Variants in MCEE observed in about 807,000 individuals in gnomAD.
MCEE encodes methylmalonyl-CoA epimerase, mitochondrial.
Under a neutral mutation model 12.9 loss-of-function variants are expected in MCEE, and 6 were observed. The observed-to-expected ratio is 0.47, with a 90% CI of 0.26 to 0.92. MCEE has a LOEUF of 0.92. Among genes scored for constraint, MCEE ranks in the 40% least tolerant of loss-of-function variants. MCEE has a pLI of 0.16. For missense variants in MCEE, 214 were observed against 212.1 expected, an observed-to-expected ratio of 1.01 and a Z score of -0.05; for synonymous variants, 78 against 77.9, an observed-to-expected ratio of 1.00 and a Z score of -0.01.
At position 71,117,309 on chromosome 2, in the gene MCEE, A is replaced by G. The variant is rs564312122; in HGVS notation, c.378+6897T>C. Among the ~76,000 whole-genome samples, 39 of 150,748 alleles carry G rather than the reference A, an allele frequency of 2.6e-4. 1 individual carries two copies. The South Asian group carries it at 8.1e-3, about 31-fold the overall frequency. On this transcript the variant is annotated intron_variant, in intron 2 of 2. Coordinates refer to ENST00000244217, the MANE Select transcript of MCEE (RefSeq NM_032601.4). Reference sequence around the variant, plus strand: ...AAGAGCACATGTTACCTAAGCTTCCACAATGACTATATAGTCTAGTGGGGG... The same window carrying G: ...AAGAGCACATGTTACCTAAGCTTCCGCAATGACTATATAGTCTAGTGGGGG...
intron 2 of MCEE, chr2:71,110,668 T>C (rs1672868746): frequency 1.3e-5 from 2 of 153,510 alleles, no homozygotes; most frequent in African/African-American, 4.8e-5. Flanking sequence ...AAAATCACTA[T>C]TAAATTGCCA....
At chr2:71,125,211 A>ATTTTTTTTTTTTT (rs1243506608) in intron 1 of MCEE, among the ~76,000 whole-genome samples, 11 of 48,600 alleles carry the variant, frequency 2.3e-4, no homozygotes, top group Non-Finnish European at 4.0e-4. Flanking sequence ...ATATATATAT[A>ATTTTTTTTTTTTT]TTTTTTTTTT....
At chr2:71,130,099 A>T in intron 1 of MCEE, 81 bp downstream of exon 1, 1 of 1,421,072 alleles carries the variant, frequency 7.0e-7, no homozygotes, top group Admixed American at 1.9e-5. Flanking sequence ...TGCTTTGGCC[A>T]CGCCGAGGCC....
chr2:71,124,800 T>A (rs1008825561), intron 1 of MCEE, among the ~76,000 whole-genome samples: 1 of 152,140 alleles, frequency 6.6e-6, no homozygotes, highest in African/African-American at 2.4e-5. Context: ...GGATAACATT[T>A]TTTCATAACA....
At chr2:71,117,129 T>A (rs1012465872) in intron 2 of MCEE, among the ~76,000 whole-genome samples, 2 of 150,678 alleles carry the variant, frequency 1.3e-5, no homozygotes, top group Non-Finnish European at 2.9e-5. Context: ...TATAAATCCA[T>A]GAAAGTTAAA....
At chr2:71,125,211 A>ATATATATTTTTTTTTTTTTTTT in intron 1 of MCEE, among the ~76,000 whole-genome samples, 2 of 48,610 alleles carry the variant, frequency 4.1e-5, no homozygotes, top group Admixed American at 3.3e-4. Context: ...ATATATATAT[A>ATATATATTTTTTTTTTTTTTTT]TTTTTTTTTT....
At chr2:71,125,634 T>C (rs11890457) in intron 1 of MCEE, among the ~76,000 whole-genome samples, 42,813 of 151,948 alleles carry the variant, frequency 0.28, 7,100 homozygotes, top group East Asian at 0.65. Context: ...TAAGCCACCA[T>C]TCCAGTCAGT....
chr2:71,127,912 C>T (rs185445207), intron 1 of MCEE, among the ~76,000 whole-genome samples: 210 of 152,312 alleles, frequency 1.4e-3, no homozygotes, highest in African/African-American at 4.2e-3. Flanking sequence ...AGGCGTGAGT[C>T]ACCGCGCCTG....
At chr2:71,117,854 T>C (rs974571495) in intron 2 of MCEE, among the ~76,000 whole-genome samples, 1 of 149,908 alleles carries the variant, frequency 6.7e-6, no homozygotes, top group African/African-American at 2.5e-5. Context: ...GCCCCTTCTC[T>C]GTCACCGGTC....
At chr2:71,114,732 T>C (rs1157906630) in intron 2 of MCEE, among the ~76,000 whole-genome samples, 1 of 152,228 alleles carries the variant, frequency 6.6e-6, no homozygotes. Context: ...TGGTTATTTT[T>C]GTATTTCTTA....
At chr2:71,125,201 AT>A (rs1205912229) in intron 1 of MCEE, among the ~76,000 whole-genome samples, 6 of 48,508 alleles carry the variant, frequency 1.2e-4, no homozygotes, top group African/African-American at 5.3e-4. Context: ...ATATATATAT[AT>A]ATATATATAT....
At position 71,123,133 on chromosome 2, in the gene MCEE, A is replaced by G. The variant is rs1240813782; in HGVS notation, c.378+1073T>C. 2.0e-5 allele frequency among the ~76,000 whole-genome samples: 3 copies of G among 152,238 alleles called. No homozygotes were observed. The East Asian group carries it at 5.8e-4, about 29-fold the overall frequency. On this transcript the variant is annotated intron_variant, in intron 2 of 2. Coordinates refer to ENST00000244217, the MANE Select transcript of MCEE (RefSeq NM_032601.4). ...TTATAGGGTCTCATACATGTTTGCA[A>G]TAATGAACTGAATACATCCTTGAAT...
intron 2 of MCEE, among the ~76,000 whole-genome samples, chr2:71,119,838 T>G (rs889190464): frequency 6.7e-6 from 1 of 149,992 alleles, no homozygotes; most frequent in Non-Finnish European, 1.5e-5. Flanking sequence ...AAGGATTGCT[T>G]GAGCCAAGAG....
In MCEE at chr2:71,120,261, C is replaced by T. The variant is rs530743191; in HGVS notation, c.378+3945G>A. Among the ~76,000 whole-genome samples the T allele has an allele frequency of 2.0e-5, 3 of 150,224 alleles. No homozygotes were observed. The East Asian group carries it at 5.8e-4, about 29-fold the overall frequency. ...TCTTCACTGTGACACACTGTGCTGT[C>T]TGGCTAAGTTCTCCAGAGAAAGCAC... On this transcript the variant is annotated intron_variant, in intron 2 of 2. Coordinates refer to ENST00000244217, the MANE Select transcript of MCEE (RefSeq NM_032601.4).
chr2:71,125,026 CGGAGTGCT>C (rs1673187327), intron 1 of MCEE, among the ~76,000 whole-genome samples: 1 of 150,788 alleles, frequency 6.6e-6, no homozygotes, highest in Non-Finnish European at 1.5e-5. Flanking sequence ...TTGCCCAGGC[CGGAGTGCT>C]GGAGTGCAAC....
chr2:71,113,036 A>C (rs1294175204), intron 2 of MCEE, among the ~76,000 whole-genome samples: 1 of 152,166 alleles, frequency 6.6e-6, no homozygotes. Flanking sequence ...TAAGCCACTA[A>C]GTTTGTGATC....
chr2:71,128,650 C>T lies in MCEE; in HGVS notation c.40+1530G>A, dbSNP rs929690051. On this transcript the variant is annotated intron_variant, in intron 1 of 2. Coordinates refer to ENST00000244217, the MANE Select transcript of MCEE (RefSeq NM_032601.4). ...GTTCAAGCGATTATCCTGCCTCAGC[C>T]TCCCGAGTACCCGGGATAACAGGCG... 1.2e-3 allele frequency among the ~76,000 whole-genome samples: 188 copies of T among 152,108 alleles called. 1 individual carries two copies. Among genetic ancestry groups the T allele is most frequent in the Non-Finnish European group, 1.2e-4 (8 of 68,006 alleles).
chr2:71,115,660 C>A (rs1214145087), intron 2 of MCEE, among the ~76,000 whole-genome samples: 1 of 149,622 alleles, frequency 6.7e-6, no homozygotes, highest in African/African-American at 2.5e-5. Context: ...TAAATCAGTC[C>A]CTCTAAGTAA....
intron 2 of MCEE, among the ~76,000 whole-genome samples, chr2:71,120,340 C>G (rs1290511673): frequency 6.7e-6 from 1 of 149,998 alleles, no homozygotes; most frequent in African/African-American, 2.5e-5. Context: ...AAGGTGACCC[C>G]CCTCTTGCCA....
Sources: allele counts gnomAD v4.1 joint callset (sites outside exome capture counted in the v4.1 genomes callset), GRCh38; gene constraint gnomAD v4.1.1; transcripts MANE v1.5; gene names NCBI Gene and HGNC (gene_info 2026-07-23, HGNC 2026-07-21).